SHANK1: variants seen among roughly 807,000 people sequenced by gnomAD.
The protein encoded by SHANK1 is SH3 and multiple ankyrin repeat domains 1, also known as SH3 and multiple ankyrin repeat domains protein 1.
A neutral mutation model predicts 165.6 loss-of-function variants in SHANK1; 35 were observed. The ratio of observed to expected loss-of-function variants is 0.21; its 90% CI spans 0.16 to 0.28. SHANK1 has a LOEUF of 0.28. Ranked by LOEUF, SHANK1 falls within the 10% of genes least tolerant of loss-of-function variation. The probability of loss-of-function intolerance (pLI) is 1.00; values close to 1 mark genes in which losing one functional copy is unlikely to be tolerated. For synonymous variants in SHANK1, 1,428 were observed against 1,384.8 expected (o/e 1.03, Z -0.69); for missense variants, 2,681 against 3,036.4 (o/e 0.88, Z 2.75).
At chr19:50,679,207 G>GTGTGATGGA (rs1986091305) in intron 21 of SHANK1, among the ~76,000 whole-genome samples, 2 of 148,744 alleles carry the variant, frequency 1.3e-5, no homozygotes, top group African/African-American at 2.5e-5. Context: ...GGAGGGGTCA[G>GTGTGATGGA]GGTTACAGGC....
At chr19:50,672,261 G>A (rs576459722) in intron 21 of SHANK1, 147 bp from the exon 22 acceptor site, 1 of 670,584 alleles carries the variant, frequency 1.5e-6, no homozygotes, top group Admixed American at 2.5e-5. Context: ...GACGGTGGAA[G>A]GAGGCCGGGC....
intron 21 of SHANK1, among the ~76,000 whole-genome samples, chr19:50,677,287 C>T (rs1424643601): frequency 6.6e-6 from 1 of 151,960 alleles, no homozygotes; most frequent in Non-Finnish European, 1.5e-5. Context: ...ACCACCACAC[C>T]CAGCTAATTT....
At position 50,686,946 on chromosome 19, in the gene SHANK1, G is replaced by A. The variant is rs1352126751; in HGVS notation, c.2390-134C>T. On this transcript the variant is annotated intron_variant, in intron 19 of 23. Transcript: ENST00000293441. This position sits in a 1 kb window ranked among gnomAD's most constrained non-coding sequence, Gnocchi z 5.7. ...GCGAGAGGGGCAGTGAGGGGCCGGG[G>A]TCAGGGAGGGGCGAGTCCGCCGGCG... 9 of 1,348,734 alleles carry A rather than the reference G, an allele frequency of 6.7e-6. No homozygotes were observed. In the East Asian group the frequency reaches 2.5e-4, roughly 37 times the overall value. The allele number at this position is 1,348,734 out of a possible 1,614,324, so 83.5% of individuals were successfully genotyped here.
At chr19:50,704,220 G>A (rs2088909013) in intron 9 of SHANK1, 34 bp from the exon 10 acceptor site, 9 of 1,606,366 alleles carry the variant, frequency 5.6e-6, no homozygotes, top group Non-Finnish European at 6.8e-6. Context: ...GTCGGCCAGG[G>A]GGGCCCAGGC....
chr19:50,703,033 C>T (rs916246374), intron 11 of SHANK1, among the ~76,000 whole-genome samples: 4 of 152,200 alleles, frequency 2.6e-5, no homozygotes, highest in African/African-American at 9.7e-5. Flanking sequence ...GCCTCTCCCC[C>T]ACTTCCTCGG....
At chr19:50,672,917 A>G (rs1053938982) in intron 21 of SHANK1, among the ~76,000 whole-genome samples, 1 of 152,166 alleles carries the variant, frequency 6.6e-6, no homozygotes, top group Non-Finnish European at 1.5e-5. Context: ...TCTGGTCTAC[A>G]AGACCCTCTA....
chr19:50,662,793 G>T lies in SHANK1; in HGVS notation c.5769-111C>A. On this transcript the variant is annotated intron_variant, in intron 23 of 23. Transcript: ENST00000293441. This position sits in a 1 kb window ranked among gnomAD's most constrained non-coding sequence, Gnocchi z 7.7. The stretch of plus-strand genomic sequence containing the variant: ...AGGGAGAGAGGAGGAGAGACATAAG[G>T]GTAGGGGGAGAGACGGAGGAGAGAC... The T allele has an allele frequency of 1.8e-6, 2 of 1,129,748 alleles. No individual in the cohort carries two copies. The highest frequency in any genetic ancestry group is 1.3e-6 in the Non-Finnish European group (1 of 783,808). 70.0% of individuals were successfully genotyped at this position (1,129,748 alleles called of 1,614,324 possible).
chr19:50,704,454 C>T lies in SHANK1; in HGVS notation c.1138G>A (p.Gly380Arg), dbSNP rs750399038. Residue 380 changes from glycine to arginine, a missense_variant, in exon 9 of 24, where the codon GGA becomes AGA. By Grantham distance (125) the Gly-to-Arg change is moderately radical (BLOSUM62 -2). Coordinates refer to ENST00000293441, the MANE Select transcript of SHANK1 (RefSeq NM_016148.5). ...CCCCAGACCTGGAAGGGGGTCTGTC[C>T]GTTGTTGTTCTTCACATCCTTGTCG... ...GADKDVKNNN[G>R]QTPFQVAVIA... 5.0e-6 allele frequency: 8 copies of T among 1,614,108 alleles called. No homozygotes were observed. The highest frequency in any genetic ancestry group is 2.2e-5 in the East Asian group (1 of 44,878).
At chr19:50,710,850 G>A (rs1203331496) in intron 8 of SHANK1, among the ~76,000 whole-genome samples, 1 of 152,222 alleles carries the variant, frequency 6.6e-6, no homozygotes, top group Non-Finnish European at 1.5e-5. Flanking sequence ...AGACACAGGG[G>A]AACTGAGGAC....
In SHANK1 at chr19:50,688,500, A is replaced by G. The variant is rs964721986; in HGVS notation, c.2172+344T>C. 6.6e-6 allele frequency among the ~76,000 whole-genome samples: 1 copy of G among 151,746 alleles called. No homozygotes were observed. The highest frequency in any genetic ancestry group is 1.5e-5 in the Non-Finnish European group (1 of 67,942). On this transcript the variant is annotated intron_variant, in intron 17 of 23. Transcript: ENST00000293441. The surrounding 1 kb of genome is among the most constrained non-coding windows in gnomAD (Gnocchi z 6.7). Reference sequence around the variant, plus strand: ...GCTAATTTTTTTTTTAAGAGACAGGATCTTGCTATGTTGCCCAGGCTGGTC... The same window carrying G: ...GCTAATTTTTTTTTTAAGAGACAGGGTCTTGCTATGTTGCCCAGGCTGGTC...
At chr19:50,699,230 T>G (rs1986829926) in intron 12 of SHANK1, among the ~76,000 whole-genome samples, 1 of 152,232 alleles carries the variant, frequency 6.6e-6, no homozygotes, top group Admixed American at 6.5e-5. Flanking sequence ...TTGTAATCAA[T>G]CATTTGTTCA....
At position 50,662,806 on chromosome 19, in the gene SHANK1, A is replaced by T; in HGVS notation, c.5769-124T>A. On this transcript the variant is annotated intron_variant, in intron 23 of 23. Transcript: ENST00000293441. This position sits in a 1 kb window ranked among gnomAD's most constrained non-coding sequence, Gnocchi z 7.7. ...GAGAGACATAAGGGTAGGGGGAGAG[A>T]CGGAGGAGAGACGGGAAGAAATGGA... 1.0e-6 allele frequency: 1 copy of T among 988,478 alleles called. No homozygotes were observed. Among genetic ancestry groups the T allele is most frequent in the Non-Finnish European group, 1.5e-6 (1 of 668,768 alleles). 61.2% of individuals were successfully genotyped at this position (988,478 alleles called of 1,614,324 possible).
In SHANK1 at chr19:50,661,940, G is replaced by T; in HGVS notation, c.*25C>A. 1 of 1,612,270 alleles carries T rather than the reference G, an allele frequency of 6.2e-7. No homozygotes were observed. The highest frequency in any genetic ancestry group is 8.5e-7 in the Non-Finnish European group (1 of 1,179,192). On this transcript the variant is annotated 3_prime_UTR_variant, in exon 24 of 24. Transcript: ENST00000293441. ...CAGCAGGCTCAAGAGTTCTGTGGAC[G>T]GGGCTGGTCCGTCCAGGCCAGCCAT...
intron 21 of SHANK1, among the ~76,000 whole-genome samples, chr19:50,673,110 C>T (rs965318904): frequency 1.4e-4 from 22 of 152,086 alleles, no homozygotes; most frequent in African/African-American, 4.8e-4. Flanking sequence ...CCACGATGGA[C>T]GGATACGGAG....
At chr19:50,707,216 A>G (rs1475924077) in intron 8 of SHANK1, among the ~76,000 whole-genome samples, 1 of 151,926 alleles carries the variant, frequency 6.6e-6, no homozygotes, top group Non-Finnish European at 1.5e-5. Flanking sequence ...TCTCCTCTAC[A>G]CCATAAGTTG....
rs201288039 is a variant in SHANK1 at position 50,702,513 on chromosome 19, G to T, written c.1701C>A (p.Ala567=). Residue 567 remains alanine (A), a synonymous_variant, in exon 12 of 24, where the codon GCC becomes GCA. Coordinates refer to ENST00000293441, the MANE Select transcript of SHANK1 (RefSeq NM_016148.5). This position sits in a 1 kb window ranked among gnomAD's most constrained non-coding sequence, Gnocchi z 5.3. ...TCAGGGAGATCTCCCCCTCGGCTTG[G>T]GCCTGGTAGGACTTCACAGCCATGA... ...RSFMAVKSYQ[A]QAEGEISLSK... 1.9e-5 allele frequency: 30 copies of T among 1,613,298 alleles called. No homozygotes were observed. In the Admixed American group the frequency reaches 3.8e-4, roughly 21 times the overall value.
At position 50,662,794 on chromosome 19, in the gene SHANK1, G is replaced by T; in HGVS notation, c.5769-112C>A. On this transcript the variant is annotated intron_variant, in intron 23 of 23. Transcript: ENST00000293441. The surrounding 1 kb of genome is among the most constrained non-coding windows in gnomAD (Gnocchi z 7.7). ...GGGAGAGAGGAGGAGAGACATAAGG[G>T]TAGGGGGAGAGACGGAGGAGAGACG... 8.9e-7 allele frequency: 1 copy of T among 1,121,822 alleles called. No homozygotes were observed. The highest frequency in any genetic ancestry group is 1.3e-6 in the Non-Finnish European group (1 of 777,060). 69.5% of individuals were successfully genotyped at this position (1,121,822 alleles called of 1,614,324 possible). A position where few individuals can be genotyped will look rare whatever the true frequency, so the allele number is the denominator to read the frequency against.
chr19:50,699,062 TG>T (rs968862490), intron 12 of SHANK1, among the ~76,000 whole-genome samples: 4 of 152,186 alleles, frequency 2.6e-5, no homozygotes, highest in Non-Finnish European at 5.9e-5. Flanking sequence ...GGGGTTGAGT[TG>T]GGGCCATCAG....
In SHANK1 at chr19:50,668,227, C is replaced by T. The variant is rs760931700; in HGVS notation, c.3733G>A (p.Gly1245Ser). The change falls in exon 23 of 24, where the codon GGC (glycine) becomes AGC (serine). Residue 1245 changes from glycine to serine, a missense_variant. Physicochemically the swap from Gly to Ser is moderately conservative, Grantham distance 56. Transcript: ENST00000293441. ...ALVGAARREG[G>S]WQNEARRRST... is the part of the protein sequence containing the mutation. The stretch of plus-strand genomic sequence containing the variant: ...CGCCGGCGCGCCTCATTCTGCCAGC[C>T]CCCCTCCCTCCGGGCCGCCCCCACC... 3 of 1,485,590 alleles carry T rather than the reference C, an allele frequency of 2.0e-6. No homozygotes were observed. The highest frequency in any genetic ancestry group is 1.5e-5 in the African/African-American group (1 of 68,536). 92.0% of individuals were successfully genotyped at this position (1,485,590 alleles called of 1,614,324 possible). A position where few individuals can be genotyped will look rare whatever the true frequency, so the allele number is the denominator to read the frequency against.
Sources: gnomAD v4.1 joint callset for allele counts (sites outside exome capture counted in the v4.1 genomes callset) on GRCh38, gnomAD v4.1.1 for gene constraint, Gnocchi (gnomAD v3.1) non-coding constraint, MANE v1.5 for transcripts, NCBI Gene and HGNC (gene_info 2026-07-23, HGNC 2026-07-21) for gene names.